UGT1A6: variants seen among roughly 807,000 people sequenced by gnomAD.
UGT1A6 encodes UDP-glucuronosyltransferase 1A6.
In UGT1A6, 32 loss-of-function variants were observed where a neutral mutation model predicts 44.4. The ratio of observed to expected loss-of-function variants is 0.72; its 90% confidence interval spans 0.54 to 0.97. The LOEUF (loss-of-function observed/expected upper bound fraction) is 0.97, where lower values mean the gene tolerates loss of function less well. Among genes scored for constraint, UGT1A6 ranks in the 50% least tolerant of loss-of-function variants. The probability of loss-of-function intolerance (pLI) is 0.00; values close to 1 mark genes in which losing one functional copy is unlikely to be tolerated. For synonymous variants in UGT1A6, 238 were observed against 248.5 expected (o/e 0.96, Z 0.40); for missense variants, 685 against 661.9 (o/e 1.03, Z -0.38).
chr2:233,715,620 A>G (rs1253774011), intron 1 of UGT1A6, among the ~76,000 whole-genome samples: 1 of 151,982 alleles, frequency 6.6e-6, no homozygotes, highest in Non-Finnish European at 1.5e-5. Flanking sequence ...AAAAATTAAA[A>G]AATTATCCAG....
At chr2:233,760,958 A>T (rs976503144) in intron 1 of UGT1A6, 1 of 1,614,176 alleles carries the variant, frequency 6.2e-7, no homozygotes, top group African/African-American at 1.3e-5. Flanking sequence ...TTTCTGTGCG[A>T]CGTGGTTTAT....
chr2:233,759,291 G>A (rs2003569), intron 1 of UGT1A6, among the ~76,000 whole-genome samples: 24,209 of 152,142 alleles, frequency 0.16, 2,312 homozygotes, highest in African/African-American at 0.25. Flanking sequence ...TGATGAAGCT[G>A]AGCCCTGAGT....
intron 1 of UGT1A6, chr2:233,718,915 T>C (rs979373640): frequency 6.2e-7 from 1 of 1,613,984 alleles, no homozygotes; most frequent in African/African-American, 1.3e-5. Context: ...GGAAAGGTGT[T>C]GGTGGTGCCC....
At chr2:233,728,904 C>T (rs1575577301) in intron 1 of UGT1A6, among the ~76,000 whole-genome samples, 3 of 150,724 alleles carry the variant, frequency 2.0e-5, no homozygotes, top group South Asian at 4.1e-4. Flanking sequence ...CAGGGTCAGA[C>T]GTGTTTTTCA....
intron 1 of UGT1A6, chr2:233,729,538 A>G: frequency 6.2e-7 from 1 of 1,614,196 alleles, no homozygotes; most frequent in Non-Finnish European, 8.5e-7. Context: ...TGAGGCCCTG[A>G]TCAGGCACCT....
Position 233,693,534 on chromosome 2 carries a change from C to G in UGT1A6, c.530C>G (p.Ser177Cys), listed in dbSNP as rs74429718. 3.5e-5 allele frequency: 56 copies of G among 1,614,178 alleles called. No individual in the cohort carries two copies. The highest frequency in any genetic ancestry group is 4.7e-5 in the Non-Finnish European group (55 of 1,180,024). The change falls in exon 1 of 5, where the codon TCC (serine) becomes TGC (cysteine). Residue 177 changes from serine to cysteine, a missense_variant. Physicochemically the swap from Ser to Cys is moderately radical, Grantham distance 112. Transcript: ENST00000305139. Reference sequence around the variant, plus strand: ...TACCTCTTCAGGGGTTTTCCGTGTTCCCTGGAGCATACATTCAGCAGAAGC... The same window carrying G: ...TACCTCTTCAGGGGTTTTCCGTGTTGCCTGGAGCATACATTCAGCAGAAGC... ...SVYLFRGFPC[S>C]LEHTFSRSPD... is the part of the protein sequence containing the mutation.
At chr2:233,691,954 T>G (rs1410011251), upstream of UGT1A6, 1 of 152,322 alleles carries the variant, frequency 6.6e-6, no homozygotes, top group African/African-American at 2.4e-5. Flanking sequence ...CTTTTGTTAT[T>G]CAAAACAGAT....
At chr2:233,720,324 C>T (rs938076582) in intron 1 of UGT1A6, among the ~76,000 whole-genome samples, 3 of 151,934 alleles carry the variant, frequency 2.0e-5, no homozygotes, top group Admixed American at 6.6e-5. Flanking sequence ...GTGGGGACAT[C>T]GTAGAGTTTG....
chr2:233,708,371 A>C (rs1463457265), intron 1 of UGT1A6: 1 of 152,140 alleles, frequency 6.6e-6, no homozygotes, highest in Non-Finnish European at 1.5e-5. Context: ...CTTCATTTAA[A>C]CGTCTTTTGT....
At chr2:233,734,101 TATA>T (rs549143261) in intron 1 of UGT1A6, among the ~76,000 whole-genome samples, 12 of 151,314 alleles carry the variant, frequency 7.9e-5, no homozygotes, top group South Asian at 4.2e-4. Flanking sequence ...AAACTTAAAG[TATA>T]ATAATAATAA....
At position 233,734,691 on chromosome 2, in the gene UGT1A6, CCCAGAGA is replaced by C. The variant is rs551995171; in HGVS notation, c.862-32342_862-32336del. On this transcript the variant is annotated intron_variant, in intron 1 of 4. Coordinates refer to ENST00000305139, the MANE Select transcript of UGT1A6 (RefSeq NM_001072.4). ...CCTCTACACACTGATTTAAATGTGT[CCCAGAGA>C]TTCTGGTATGTTGTGTCTTTGTTCT... Among the ~76,000 whole-genome samples, 1,501 of 152,268 alleles carry C rather than the reference CCCAGAGA, an allele frequency of 9.9e-3. 21 individuals carry two copies. The highest frequency in any genetic ancestry group is 0.034 in the African/African-American group (1,432 of 41,544).
At chr2:233,699,684 A>AT (rs2075518038) in intron 1 of UGT1A6, among the ~76,000 whole-genome samples, 1 of 152,196 alleles carries the variant, frequency 6.6e-6, no homozygotes, top group Non-Finnish European at 1.5e-5. Context: ...CTGAGAGGTG[A>AT]TAAAAACAAT....
intron 1 of UGT1A6, among the ~76,000 whole-genome samples, chr2:233,762,294 C>T (rs867302636): frequency 2.0e-5 from 3 of 152,346 alleles, no homozygotes; most frequent in Middle Eastern, 3.4e-3. Flanking sequence ...AAGGTGCCAA[C>T]CGAGGTCTAG....
intron 1 of UGT1A6, chr2:233,755,708 G>A (rs6747843): frequency 0.3 from 46,013 of 153,542 alleles, 7,045 homozygotes; most frequent in South Asian, 0.39. Context: ...AAGACATCCT[G>A]TTGTTTAGGA....
intron 1 of UGT1A6, chr2:233,750,801 G>A (rs763545505): frequency 6.6e-6 from 1 of 151,910 alleles, no homozygotes; most frequent in Non-Finnish European, 1.5e-5. Flanking sequence ...AAGAATTTAG[G>A]TTTGGGAACC....
chr2:233,760,187 A>T (rs990924145), intron 1 of UGT1A6: 2 of 1,561,228 alleles, frequency 1.3e-6, no homozygotes, highest in African/African-American at 2.7e-5. Flanking sequence ...TTTTATAGTC[A>T]CGTGACACAG....
intron 1 of UGT1A6, among the ~76,000 whole-genome samples, chr2:233,757,571 A>T (rs112550375): frequency 1.3e-5 from 1 of 77,332 alleles, no homozygotes; most frequent in African/African-American, 6.0e-5. Context: ...TGTATATATG[A>T]TATAGCTATA....
intron 1 of UGT1A6, chr2:233,755,162 G>T (rs1267717516): frequency 7.8e-7 from 1 of 1,279,938 alleles, no homozygotes; most frequent in Non-Finnish European, 1.1e-6. Context: ...CCCTGTCCTC[G>T]GGGTTTTTGT....
intron 1 of UGT1A6, chr2:233,743,502 T>A: frequency 1.5e-6 from 2 of 1,367,112 alleles, no homozygotes; most frequent in Non-Finnish European, 2.0e-6. Context: ...AGAAAAGGGG[T>A]GCAGACGCTC....
Sources: gnomAD v4.1 joint callset for allele counts (sites outside exome capture counted in the v4.1 genomes callset) on GRCh38, gnomAD v4.1.1 for gene constraint, MANE v1.5 for transcripts, NCBI Gene and HGNC (gene_info 2026-07-23, HGNC 2026-07-21) for gene names.